PAK5: variants seen among roughly 807,000 people sequenced by gnomAD.
PAK5 encodes the protein serine/threonine-protein kinase PAK 5.
Under a neutral mutation model 65.9 loss-of-function variants are expected in PAK5, and 16 were observed. The observed-to-expected ratio is 0.24, with a 90% CI of 0.16 to 0.37. The LOEUF (loss-of-function observed/expected upper bound fraction) is 0.37, where lower values mean the gene tolerates loss of function less well. PAK5 is among the 10% of genes least tolerant of loss of function. The probability of loss-of-function intolerance (pLI) is 1.00; values close to 1 mark genes in which losing one functional copy is unlikely to be tolerated. For missense variants in PAK5, 785 were observed against 903.9 expected, an observed-to-expected ratio of 0.87 and a Z score of 1.69; for synonymous variants, 371 against 354.9, an observed-to-expected ratio of 1.05 and a Z score of -0.51.
At chr20:9,706,477 TTTTTTTTTTTTC>T (rs1056350791) in intron 2 of PAK5, among the ~76,000 whole-genome samples, 1 of 151,244 alleles carries the variant, frequency 6.6e-6, no homozygotes, top group African/African-American at 2.4e-5. Flanking sequence ...AACTCTTTTT[TTTTTTTTTTTTC>T]TTTTTAAGAC....
chr20:9,568,076 G>C (rs1181543346), intron 4 of PAK5, among the ~76,000 whole-genome samples: 1 of 152,152 alleles, frequency 6.6e-6, no homozygotes, highest in African/African-American at 2.4e-5. Flanking sequence ...AAGGAAGATG[G>C]GCCGAGAAGC....
At chr20:9,726,989 T>A (rs1408058181) in intron 1 of PAK5, among the ~76,000 whole-genome samples, 1 of 152,154 alleles carries the variant, frequency 6.6e-6, no homozygotes, top group Non-Finnish European at 1.5e-5. Flanking sequence ...AGAATCTTCA[T>A]AATTTTTAAA....
intron 3 of PAK5, among the ~76,000 whole-genome samples, chr20:9,641,727 C>G (rs1044251885): frequency 6.6e-6 from 1 of 152,128 alleles, no homozygotes. Context: ...GTCCCAAGCC[C>G]TGCCCCGTGG....
intron 3 of PAK5, among the ~76,000 whole-genome samples, chr20:9,633,891 C>G (rs1186766352): frequency 3.3e-5 from 5 of 152,208 alleles, no homozygotes; most frequent in Admixed American, 3.3e-4. Context: ...TAACCTATAA[C>G]TGACAATTGC....
At chr20:9,739,336 G>C (rs2423454) in intron 1 of PAK5, among the ~76,000 whole-genome samples, 31,656 of 151,264 alleles carry the variant, frequency 0.21, 3,501 homozygotes, top group East Asian at 0.32. Context: ...TGCGTAAAAT[G>C]ATCTCTGTAT....
chr20:9,593,608 T>C (rs556741621), intron 3 of PAK5, among the ~76,000 whole-genome samples: 3 of 152,222 alleles, frequency 2.0e-5, no homozygotes, highest in Non-Finnish European at 4.4e-5. Flanking sequence ...GTGTGCGATG[T>C]TCCCCTCCCT....
intron 1 of PAK5, among the ~76,000 whole-genome samples, chr20:9,799,939 C>CAAAAAAAAAAAAA (rs71331383): frequency 1.8e-4 from 8 of 43,668 alleles, no homozygotes; most frequent in South Asian, 8.5e-4. Flanking sequence ...ACTCTGTCTC[C>CAAAAAAAAAAAAA]AAAAAAAAAA....
intron 1 of PAK5, among the ~76,000 whole-genome samples, chr20:9,714,686 T>A (rs1809893968): frequency 6.6e-6 from 1 of 152,140 alleles, no homozygotes; most frequent in Admixed American, 6.6e-5. Context: ...ATGGTACTGG[T>A]ACCAAAACAG....
At chr20:9,678,175 T>C (rs902288393) in intron 2 of PAK5, among the ~76,000 whole-genome samples, 2 of 152,234 alleles carry the variant, frequency 1.3e-5, no homozygotes, top group East Asian at 3.8e-4. Flanking sequence ...CATAGCTCCT[T>C]GGGATCTTTA....
chr20:9,776,048 G>A (rs1487603795), intron 1 of PAK5, among the ~76,000 whole-genome samples: 1 of 152,162 alleles, frequency 6.6e-6, no homozygotes, highest in Admixed American at 6.5e-5. Context: ...GTGAAAAGAT[G>A]GAAAAAATCA....
At chr20:9,571,295 G>A (rs142165676) in intron 4 of PAK5, among the ~76,000 whole-genome samples, 13 of 152,280 alleles carry the variant, frequency 8.5e-5, no homozygotes, top group East Asian at 3.9e-4. Context: ...ACCCACATGC[G>A]GGGTTCCATG....
chr20:9,673,986 A>G (rs2047534742), intron 2 of PAK5, among the ~76,000 whole-genome samples: 1 of 152,198 alleles, frequency 6.6e-6, no homozygotes, highest in Admixed American at 6.5e-5. Context: ...GAATCAGAAA[A>G]CTAGGAGATT....
At chr20:9,562,072 C>T (rs912960962) in intron 6 of PAK5, among the ~76,000 whole-genome samples, 2 of 152,166 alleles carry the variant, frequency 1.3e-5, no homozygotes, top group African/African-American at 4.8e-5. Flanking sequence ...TCCTACTTGC[C>T]TTCTTAGTGA....
At chr20:9,716,286 A>G (rs1379383027) in intron 1 of PAK5, among the ~76,000 whole-genome samples, 1 of 152,196 alleles carries the variant, frequency 6.6e-6, no homozygotes, top group Non-Finnish European at 1.5e-5. Context: ...CTGCTTTTCA[A>G]TTAGTTCAAA....
chr20:9,539,510 AC>A lies in PAK5; in HGVS notation c.2111del (p.Gly704ValfsTer10). On this transcript the variant is annotated frameshift_variant, in exon 10 of 10. Coordinates refer to ENST00000353224, the MANE Select transcript of PAK5 (RefSeq NM_177990.4). LOFTEE classifies it high-confidence loss of function. Reference sequence around the variant, plus strand: ...TGAGGGGGACGATGCAAGACGGTGGACCTGCTAGTTTTAAGAATGGATGTCC... The same window carrying A: ...TGAGGGGGACGATGCAAGACGGTGGACTGCTAGTTTTAAGAATGGATGTCC... ...LLGHPFLKLA[G>X]PPSCIVPLMR... is the part of the protein sequence containing the mutation. 6.2e-7 allele frequency: 1 copy of A among 1,613,996 alleles called. No individual in the cohort carries two copies. The highest frequency in any genetic ancestry group is 8.5e-7 in the Non-Finnish European group (1 of 1,179,948).
intron 6 of PAK5, among the ~76,000 whole-genome samples, chr20:9,560,022 T>C (rs73241776): frequency 6.6e-6 from 1 of 152,332 alleles, no homozygotes; most frequent in African/African-American, 2.4e-5. Context: ...AGAACCACCA[T>C]CTTTAATAAA....
intron 2 of PAK5, among the ~76,000 whole-genome samples, chr20:9,688,981 T>A (rs2047756685): frequency 6.6e-6 from 1 of 152,166 alleles, no homozygotes; most frequent in Non-Finnish European, 1.5e-5. Context: ...GTGGACTCAG[T>A]CATATGATTC....
chr20:9,618,667 C>A (rs894882820), intron 3 of PAK5, among the ~76,000 whole-genome samples: 1 of 151,766 alleles, frequency 6.6e-6, no homozygotes, highest in Admixed American at 6.6e-5. Flanking sequence ...CCCACCTTGG[C>A]CTCCCAAAGT....
At position 9,655,663 on chromosome 20, in the gene PAK5, A is replaced by G. The variant is rs73240970; in HGVS notation, c.-11-11324T>C. Among the ~76,000 whole-genome samples, 248 of 152,298 alleles carry G rather than the reference A, an allele frequency of 1.6e-3. 2 individuals are homozygous for G. The highest frequency in any genetic ancestry group is 5.8e-3 in the African/African-American group (239 of 41,562). The stretch of plus-strand genomic sequence containing the variant: ...GTATCTATCATTCTGCATAAATACG[A>G]GCACATCTGTGGCATAGATTGTCAG... On this transcript the variant is annotated intron_variant, in intron 2 of 9. Coordinates refer to ENST00000353224, the MANE Select transcript of PAK5 (RefSeq NM_177990.4).
Sources: allele counts gnomAD v4.1 joint callset (sites outside exome capture counted in the v4.1 genomes callset), GRCh38; gene constraint gnomAD v4.1.1; transcripts MANE v1.5; gene names NCBI Gene and HGNC (gene_info 2026-07-23, HGNC 2026-07-21).